The following DOCK2 variants were observed in gnomAD, a reference collection of about 807,000 sequenced individuals.
The protein encoded by DOCK2 is dedicator of cytokinesis protein 2.
DOCK2 carries 87 observed loss-of-function variants against 248.9 expected under a neutral mutation model. The ratio of observed to expected loss-of-function variants is 0.35; its 90% confidence interval spans 0.29 to 0.42. The LOEUF (loss-of-function observed/expected upper bound fraction) is 0.42. Ranked by LOEUF, DOCK2 falls within the 10% of genes least tolerant of loss-of-function variation. The pLI, the probability that DOCK2 is intolerant of heterozygous loss-of-function variation, is 1.00. For synonymous variants in DOCK2, 805 were observed against 821.6 expected (o/e 0.98, Z 0.35); for missense variants, 1,747 against 2,300.2 (o/e 0.76, Z 4.92).
chr5:169,819,004 T>A (rs1001401864), intron 26 of DOCK2, among the ~76,000 whole-genome samples: 1 of 152,146 alleles, frequency 6.6e-6, no homozygotes, highest in Non-Finnish European at 1.5e-5. Flanking sequence ...AAACAGAGAC[T>A]TCCCACACCT....
chr5:169,805,814 G>A (rs1378211681), intron 26 of DOCK2, among the ~76,000 whole-genome samples: 1 of 152,244 alleles, frequency 6.6e-6, no homozygotes, highest in Non-Finnish European at 1.5e-5. Flanking sequence ...GTGGGGGATT[G>A]TGGCATCTGG....
At chr5:169,797,158 G>T (rs1370886709) in intron 25 of DOCK2, among the ~76,000 whole-genome samples, 1 of 152,220 alleles carries the variant, frequency 6.6e-6, no homozygotes, top group African/African-American at 2.4e-5. Context: ...TTGGTTGACT[G>T]TGTGACTGGG....
chr5:169,745,979 A>C (rs1382857530), intron 22 of DOCK2, among the ~76,000 whole-genome samples: 3 of 152,164 alleles, frequency 2.0e-5, no homozygotes, highest in African/African-American at 2.4e-5. Context: ...AGCCACTTCA[A>C]CACTCCTTGT....
chr5:169,750,547 T>A (rs887960091), intron 23 of DOCK2, among the ~76,000 whole-genome samples: 1 of 152,236 alleles, frequency 6.6e-6, no homozygotes, highest in East Asian at 1.9e-4. Context: ...CTAATATGAT[T>A]ATTATGGTTT....
At chr5:170,034,830 T>G (rs1366050850) in intron 35 of DOCK2, among the ~76,000 whole-genome samples, 1 of 152,194 alleles carries the variant, frequency 6.6e-6, no homozygotes, top group Non-Finnish European at 1.5e-5. Context: ...GATGACAGTA[T>G]AGACTGGCTA....
At chr5:169,996,970 G>T (rs1269306805) in intron 30 of DOCK2, among the ~76,000 whole-genome samples, 1 of 152,150 alleles carries the variant, frequency 6.6e-6, no homozygotes, top group African/African-American at 2.4e-5. Context: ...AAAGTATAGA[G>T]AAAGAAATAA....
intron 27 of DOCK2, among the ~76,000 whole-genome samples, chr5:169,972,547 A>G (rs1018430304): frequency 3.2e-5 from 2 of 62,322 alleles, no homozygotes; most frequent in Admixed American, 1.8e-4. Flanking sequence ...TGAGACAGAT[A>G]GATAGATAGA....
chr5:170,066,797 T>C (rs1057505223), intron 44 of DOCK2, among the ~76,000 whole-genome samples: 2 of 152,224 alleles, frequency 1.3e-5, no homozygotes, highest in Non-Finnish European at 2.9e-5. Flanking sequence ...ATTTACATAC[T>C]GCCTGTAGGT....
chr5:169,961,028 C>T (rs566490815), intron 27 of DOCK2, among the ~76,000 whole-genome samples: 15 of 152,254 alleles, frequency 9.9e-5, no homozygotes, highest in South Asian at 6.2e-4. Context: ...CTAAGAAAGA[C>T]GACTGTAACT....
At chr5:169,844,142 T>C (rs1770162848) in intron 27 of DOCK2, among the ~76,000 whole-genome samples, 2 of 152,232 alleles carry the variant, frequency 1.3e-5, no homozygotes, top group African/African-American at 4.8e-5. Flanking sequence ...TTTTCCATAG[T>C]AGCCATAATG....
chr5:169,778,934 G>A (rs1166391636), intron 25 of DOCK2, among the ~76,000 whole-genome samples: 2 of 152,138 alleles, frequency 1.3e-5, no homozygotes, highest in Admixed American at 1.3e-4. Flanking sequence ...AGAAGTATGT[G>A]GTATTCGTTT....
chr5:169,653,965 C>G (rs1420295463), intron 1 of DOCK2, among the ~76,000 whole-genome samples: 1 of 152,244 alleles, frequency 6.6e-6, no homozygotes, highest in Non-Finnish European at 1.5e-5. Context: ...TCAGAGGCCA[C>G]AGCTGCCTGG....
intron 2 of DOCK2, among the ~76,000 whole-genome samples, chr5:169,660,906 T>G (rs1758409886): frequency 1.3e-5 from 2 of 152,310 alleles, no homozygotes; most frequent in South Asian, 4.2e-4. Flanking sequence ...TAAACTTCCA[T>G]TATGTTTCAT....
chr5:169,997,713 T>G (rs1754697313), intron 30 of DOCK2, among the ~76,000 whole-genome samples: 1 of 149,730 alleles, frequency 6.7e-6, no homozygotes, highest in Non-Finnish European at 1.5e-5. Context: ...GGGTTGGGGG[T>G]AAGGTCACAG....
intron 36 of DOCK2, among the ~76,000 whole-genome samples, chr5:170,039,276 C>T (rs969004756): frequency 6.6e-6 from 1 of 152,210 alleles, no homozygotes; most frequent in African/African-American, 2.4e-5. Flanking sequence ...GCCATGGGAA[C>T]CTTTTTAGAA....
intron 23 of DOCK2, among the ~76,000 whole-genome samples, chr5:169,753,569 G>A (rs10053115): frequency 0.013 from 1,937 of 152,284 alleles, 59 homozygotes; most frequent in African/African-American, 0.044. Flanking sequence ...AGTATATCTT[G>A]GATTTAAATT....
intron 33 of DOCK2, 100 bp downstream of exon 33, chr5:170,019,208 G>T (rs1755639187): frequency 6.4e-7 from 1 of 1,563,646 alleles, no homozygotes; most frequent in East Asian, 2.3e-5. Context: ...TCATTGAGAG[G>T]CTCGGCGGCA....
intron 25 of DOCK2, among the ~76,000 whole-genome samples, chr5:169,769,467 G>C (rs1468144904): frequency 2.0e-5 from 3 of 152,238 alleles, no homozygotes; most frequent in African/African-American, 7.2e-5. Flanking sequence ...GAAAGAGAAT[G>C]GCTGCCAGGG....
intron 27 of DOCK2, among the ~76,000 whole-genome samples, chr5:169,940,565 G>T (rs1581448506): frequency 6.6e-6 from 1 of 152,138 alleles, no homozygotes; most frequent in African/African-American, 2.4e-5. Context: ...TTGTTTTTCT[G>T]CAACTAGACA....
Sources: allele counts gnomAD v4.1 joint callset (sites outside exome capture counted in the v4.1 genomes callset), GRCh38; gene constraint gnomAD v4.1.1; transcripts MANE v1.5; gene names NCBI Gene and HGNC (gene_info 2026-07-23, HGNC 2026-07-21).